The following GRM8 variants were observed in gnomAD, a reference collection of about 807,000 sequenced individuals.
GRM8 encodes the protein glutamate metabotropic receptor 8.
Under a neutral mutation model 87.2 loss-of-function variants are expected in GRM8, and 47 were observed. The observed-to-expected ratio is 0.54, with a 90% CI of 0.43 to 0.69. The LOEUF is 0.69. GRM8 is among the 30% of genes least tolerant of loss of function. The pLI is 0.00. For missense variants in GRM8, 1,019 were observed against 1,139.2 expected, an observed-to-expected ratio of 0.89 and a Z score of 1.52; for synonymous variants, 396 against 404.5, an observed-to-expected ratio of 0.98 and a Z score of 0.25.
intron 7 of GRM8, among the ~76,000 whole-genome samples, chr7:126,618,108 G>A (rs1482988228): frequency 1.6e-4 from 25 of 152,062 alleles, no homozygotes; most frequent in Admixed American, 8.5e-4. Context: ...GAGGCATCAC[G>A]CTACCTGACT....
chr7:127,160,286 C>T (rs928091559), intron 2 of GRM8, among the ~76,000 whole-genome samples: 5 of 152,048 alleles, frequency 3.3e-5, no homozygotes, highest in East Asian at 1.9e-4. Context: ...AACCTGCCAA[C>T]GGGACTTGCA....
Position 126,769,887 on chromosome 7 carries a change from A to G in GRM8, c.1335T>C (p.Tyr445=), listed in dbSNP as rs1381237590. Residue 445 remains tyrosine (Y), a synonymous_variant, in exon 7 of 11, where the codon TAT becomes TAC. Coordinates refer to ENST00000339582, the MANE Select transcript of GRM8 (RefSeq NM_000845.3). ...TACCATTAAAATTTACAGCCCGAATATAACCAAGTAGCTCTTTCCCATCAA... is the reference window on the plus strand; with the variant it reads ...TACCATTAAAATTTACAGCCCGAATGTAACCAAGTAGCTCTTTCCCATCAA... ...STIDGKELLG[Y]IRAVNFNGSA... 3.7e-6 allele frequency: 6 copies of G among 1,611,442 alleles called. No homozygotes were observed. The highest frequency in any genetic ancestry group is 1.3e-5 in the African/African-American group (1 of 74,840).
intron 3 of GRM8, among the ~76,000 whole-genome samples, chr7:126,995,606 T>C (rs1813104209): frequency 6.6e-6 from 1 of 152,012 alleles, no homozygotes; most frequent in African/African-American, 2.4e-5. Flanking sequence ...ACATAACTGC[T>C]CAACAAAAAG....
intron 5 of GRM8, 22 bp from the exon 6 acceptor site, chr7:126,902,701 T>C: frequency 6.6e-7 from 1 of 1,517,106 alleles, no homozygotes. Flanking sequence ...GAGAAAGGTA[T>C]GATTTTAATA....
intron 8 of GRM8, among the ~76,000 whole-genome samples, chr7:126,550,414 A>G (rs1394569881): frequency 6.6e-6 from 1 of 152,158 alleles, no homozygotes; most frequent in Non-Finnish European, 1.5e-5. Flanking sequence ...ACCCGGCCGA[A>G]AAAGTATTTT....
intron 6 of GRM8, among the ~76,000 whole-genome samples, chr7:126,894,550 G>A (rs752222023): frequency 1.8e-4 from 28 of 151,942 alleles, no homozygotes; most frequent in Non-Finnish European, 3.4e-4. Context: ...TTACGTACTC[G>A]AAATTTTAAC....
chr7:126,579,001 A>T (rs1795361607), intron 8 of GRM8, among the ~76,000 whole-genome samples: 1 of 152,116 alleles, frequency 6.6e-6, no homozygotes, highest in African/African-American at 2.4e-5. Context: ...CAGTAATAGT[A>T]CCAGACTTTT....
chr7:127,143,549 G>C (rs1045228318), intron 2 of GRM8, among the ~76,000 whole-genome samples: 4 of 151,990 alleles, frequency 2.6e-5, no homozygotes, highest in Non-Finnish European at 5.9e-5. Context: ...TCTTCATGAC[G>C]ACCCTGTGAG....
At chr7:126,948,262 T>C (rs1428234764) in intron 3 of GRM8, among the ~76,000 whole-genome samples, 2 of 151,836 alleles carry the variant, frequency 1.3e-5, no homozygotes, top group Non-Finnish European at 2.9e-5. Flanking sequence ...AGACAGGGAA[T>C]TTTTCATGGA....
chr7:126,862,858 A>G (rs1798250981), intron 6 of GRM8, among the ~76,000 whole-genome samples: 1 of 151,800 alleles, frequency 6.6e-6, no homozygotes, highest in Non-Finnish European at 1.5e-5. Flanking sequence ...TTTTAAATTG[A>G]TCGATTTTGC....
At chr7:127,134,025 T>G (rs1244058777) in intron 2 of GRM8, among the ~76,000 whole-genome samples, 1 of 152,202 alleles carries the variant, frequency 6.6e-6, no homozygotes, top group African/African-American at 2.4e-5. Context: ...CGGTATTATC[T>G]CCATTCATCC....
At chr7:127,153,282 G>C (rs946106922) in intron 2 of GRM8, among the ~76,000 whole-genome samples, 5 of 152,106 alleles carry the variant, frequency 3.3e-5, no homozygotes, top group Non-Finnish European at 7.4e-5. Context: ...TACCAAGCTA[G>C]TACAAGTCCA....
chr7:126,896,986 C>T (rs552522741), intron 6 of GRM8, among the ~76,000 whole-genome samples: 5 of 152,220 alleles, frequency 3.3e-5, no homozygotes, highest in Admixed American at 2.6e-4. Context: ...GTGCCTGGCA[C>T]ATGGTGAGCT....
rs935257231 is a variant in GRM8, at chr7:126,704,859, C to A, written c.1357+65006G>T. Among the ~76,000 whole-genome samples, 4 of 152,270 alleles carry A rather than the reference C, an allele frequency of 2.6e-5. 1 individual carries two copies. Among genetic ancestry groups the A allele is most frequent in the African/African-American group, 9.6e-5 (4 of 41,546 alleles). The stretch of plus-strand genomic sequence containing the variant: ...AACTTCATTAGCAATTTTAATTTCA[C>A]CCCGTCCTGTCCTGTGGTCCTGTGA... On this transcript the variant is annotated intron_variant, in intron 7 of 10. Transcript: ENST00000339582.
intron 6 of GRM8, among the ~76,000 whole-genome samples, chr7:126,804,849 G>A (rs985175060): frequency 6.6e-6 from 1 of 152,126 alleles, no homozygotes; most frequent in African/African-American, 2.4e-5. Flanking sequence ...TTAATAATTT[G>A]TAGGACTTTC....
intron 6 of GRM8, among the ~76,000 whole-genome samples, chr7:126,787,364 C>A (rs748334126): frequency 6.6e-6 from 1 of 152,094 alleles, no homozygotes; most frequent in Non-Finnish European, 1.5e-5. Flanking sequence ...ATAATAATTC[C>A]AACTAAATCC....
intron 3 of GRM8, among the ~76,000 whole-genome samples, chr7:126,950,137 C>T (rs1305319291): frequency 6.6e-6 from 1 of 152,068 alleles, no homozygotes. Flanking sequence ...GGTTGAGGAC[C>T]CAGGTGATTC....
chr7:126,962,009 T>C lies in GRM8; in HGVS notation c.728-57326A>G, dbSNP rs925381735. Among the ~76,000 whole-genome samples the C allele has an allele frequency of 4.6e-5, 7 of 151,990 alleles. No homozygotes were observed. The South Asian group carries it at 8.3e-4, about 18-fold the overall frequency. ...TCCCTTCTCCCCTCTCCTAACCTTC[T>C]TCCCTACACTCTTTCTCTCCTCCTT... is the stretch of plus-strand genomic sequence containing the variant. On this transcript the variant is annotated intron_variant, in intron 3 of 10. Coordinates refer to ENST00000339582, the MANE Select transcript of GRM8 (RefSeq NM_000845.3).
intron 7 of GRM8, among the ~76,000 whole-genome samples, chr7:126,768,879 T>C (rs1818506018): frequency 6.6e-6 from 1 of 150,564 alleles, no homozygotes; most frequent in Admixed American, 6.6e-5. Context: ...ACGATGTGTG[T>C]TGAATTTAAA....
Sources: gnomAD v4.1 joint callset for allele counts (sites outside exome capture counted in the v4.1 genomes callset) on GRCh38, gnomAD v4.1.1 for gene constraint, MANE v1.5 for transcripts, NCBI Gene and HGNC (gene_info 2026-07-23, HGNC 2026-07-21) for gene names.